The following PIP4K2C variants were observed in gnomAD, a reference collection of about 807,000 sequenced individuals.
The protein encoded by PIP4K2C is phosphatidylinositol 5-phosphate 4-kinase type-2 gamma.
PIP4K2C carries 21 observed loss-of-function variants against 45.0 expected under a neutral mutation model. The observed-to-expected ratio is 0.47, with a 90% CI of 0.33 to 0.67. PIP4K2C has a LOEUF of 0.67. Ranked by LOEUF, PIP4K2C falls within the 30% of genes least tolerant of loss-of-function variation. The pLI is 0.02. For synonymous variants in PIP4K2C, 201 were observed against 204.8 expected (o/e 0.98, Z 0.16); for missense variants, 456 against 542.8 (o/e 0.84, Z 1.59).
chr12:57,597,725 A>T (rs1565713739), intron 4 of PIP4K2C, among the ~76,000 whole-genome samples: 1 of 152,200 alleles, frequency 6.6e-6, no homozygotes, highest in Non-Finnish European at 1.5e-5. Context: ...GGACACTTTT[A>T]ATTATTTATG....
Position 57,601,003 on chromosome 12 carries a change from A to T in PIP4K2C, c.1006A>T (p.Ile336Phe), listed in dbSNP as rs1222831965. ...CTCCCCAGAGGGTATCGGAGGCTAC[A>T]TCCATTCCCATCGGCCCCTGGGCCC... ...GTSPEGIGGY[I>F]HSHRPLGPGE... The change falls in exon 8 of 10, where the codon ATC (isoleucine) becomes TTC (phenylalanine). Residue 336 changes from isoleucine to phenylalanine, a missense_variant. Ile to Phe is a conservative substitution (Grantham distance 21). This residue lies in a region of PIP4K2C where 421 missense variants were observed against 473.1 expected (regional missense o/e 0.89). Transcript: ENST00000354947. 1.2e-6 allele frequency: 2 copies of T among 1,613,964 alleles called. No homozygotes were observed. The highest frequency in any genetic ancestry group is 1.7e-6 in the Non-Finnish European group (2 of 1,180,036).
chr12:57,598,768 A>G (rs958276847), intron 4 of PIP4K2C, among the ~76,000 whole-genome samples: 1 of 152,190 alleles, frequency 6.6e-6, no homozygotes, highest in East Asian at 1.9e-4. Flanking sequence ...GAAAGGGTCT[A>G]AAATAAGGAT....
chr12:57,594,623 A>G (rs552523231), intron 2 of PIP4K2C, among the ~76,000 whole-genome samples: 10 of 152,308 alleles, frequency 6.6e-5, no homozygotes, highest in African/African-American at 2.4e-4. Flanking sequence ...AGGTCACTGA[A>G]TCACTCTGAG....
Position 57,599,384 on chromosome 12 carries a change from T to G in PIP4K2C, c.661-16T>G, listed in dbSNP as rs747122857. ...TTAGCCACTTCTACTGACTTGGTGT[T>G]TGGGTCTTTCTGCAGGGTTCCCTAG... On this transcript the variant is annotated splice_polypyrimidine_tract_variant and intron_variant, in intron 5 of 9. Transcript: ENST00000354947. The G allele has an allele frequency of 6.8e-6, 11 of 1,613,928 alleles. No homozygotes were observed. The highest frequency in any genetic ancestry group is 1.3e-5 in the African/African-American group (1 of 74,854).
Position 57,600,323 on chromosome 12 carries a change from G to A in PIP4K2C, c.700-1G>A, listed in dbSNP as rs1454195992. 1.9e-6 allele frequency: 3 copies of A among 1,572,046 alleles called. No individual in the cohort carries two copies. Among genetic ancestry groups the A allele is most frequent in the African/African-American group, 1.4e-5 (1 of 73,764 alleles). On this transcript the variant is annotated splice_acceptor_variant, in intron 6 of 9. Transcript: ENST00000354947. LOFTEE classifies it high-confidence loss of function. ...CAAGATGTCCCTTTACATATTCTTA[G>A]GTTAAAGAATTGCCCACCCTTAAGG...
At chr12:57,592,150 T>C (rs1255457970) in intron 1 of PIP4K2C, among the ~76,000 whole-genome samples, 1 of 152,162 alleles carries the variant, frequency 6.6e-6, no homozygotes, top group Non-Finnish European at 1.5e-5. Flanking sequence ...GTGGCGATTG[T>C]TGACCAAAGA....
rs1883521820 is a variant in PIP4K2C at position 57,603,213 on chromosome 12, C to T, written c.*1607C>T. On this transcript the variant is annotated 3_prime_UTR_variant, in exon 10 of 10. Transcript: ENST00000354947. ...TTTCATTCCAACCATCTCCCTTTCC[C>T]CCGATGAATGCAATAAAACTCTGTG... 1 of 152,650 alleles carries T rather than the reference C, an allele frequency of 6.6e-6. No individual in the cohort carries two copies. The highest frequency in any genetic ancestry group is 2.4e-5 in the African/African-American group (1 of 41,460). 9.5% of individuals were successfully genotyped at this position (152,650 alleles called of 1,614,324 possible).
intron 1 of PIP4K2C, among the ~76,000 whole-genome samples, chr12:57,591,915 C>T (rs1382079890): frequency 2.0e-5 from 3 of 152,006 alleles, no homozygotes; most frequent in African/African-American, 7.3e-5. Context: ...CTTCCCAGCC[C>T]CGGTCCTTGG....
chr12:57,601,367 C>A lies in PIP4K2C; in HGVS notation c.1185+19C>A. On this transcript the variant is annotated intron_variant, in intron 9 of 9. Transcript: ENST00000354947. Reference sequence around the variant, plus strand: ...GCATGGGGTGAGAGTTCGCAAAAGCCTTTCCTTTCCTGTCTTGACTATTCT... The same window carrying A: ...GCATGGGGTGAGAGTTCGCAAAAGCATTTCCTTTCCTGTCTTGACTATTCT... 1 of 1,590,986 alleles carries A rather than the reference C, an allele frequency of 6.3e-7. No individual in the cohort carries two copies.
chr12:57,600,071 AG>A, intron 6 of PIP4K2C, among the ~76,000 whole-genome samples: 1 of 149,972 alleles, frequency 6.7e-6, no homozygotes, highest in African/African-American at 2.5e-5. Flanking sequence ...AAAAAAAAAG[AG>A]GAGAAAGAAA....
At chr12:57,592,844 G>T (rs1883020526) in intron 1 of PIP4K2C, among the ~76,000 whole-genome samples, 1 of 151,838 alleles carries the variant, frequency 6.6e-6, no homozygotes, top group Non-Finnish European at 1.5e-5. Context: ...TTAGCAGGTG[G>T]GGAGGAGGGG....
intron 2 of PIP4K2C, among the ~76,000 whole-genome samples, chr12:57,594,656 G>C (rs1245150535): frequency 6.6e-6 from 1 of 152,162 alleles, no homozygotes; most frequent in Non-Finnish European, 1.5e-5. Flanking sequence ...TCTATAAAAT[G>C]GAAATAATAT....
At chr12:57,600,031 T>G (rs1883357969) in intron 6 of PIP4K2C, among the ~76,000 whole-genome samples, 1 of 143,878 alleles carries the variant, frequency 7.0e-6, no homozygotes, top group Admixed American at 7.0e-5. Context: ...GGCAACAGAG[T>G]GATCGAGATC....
At chr12:57,593,864 G>A (rs1471100990) in intron 1 of PIP4K2C, among the ~76,000 whole-genome samples, 161 bp from the exon 2 acceptor site, 1 of 151,868 alleles carries the variant, frequency 6.6e-6, no homozygotes, top group Non-Finnish European at 1.5e-5. Flanking sequence ...CAGCAGAAGG[G>A]TTAGACACAT....
At chr12:57,600,752 G>T (rs1883392202) in intron 7 of PIP4K2C, 59 bp from the exon 8 acceptor site, 1 of 1,599,148 alleles carries the variant, frequency 6.3e-7, no homozygotes, top group Non-Finnish European at 8.5e-7. Context: ...ACAGGTACAG[G>T]GGTGATACCT....
chr12:57,599,578 G>C (rs1565714846), intron 6 of PIP4K2C, 140 bp downstream of exon 6: 3 of 968,934 alleles, frequency 3.1e-6, no homozygotes, highest in Admixed American at 2.2e-5. Flanking sequence ...CTTAAAAGAA[G>C]GGGGTAAACT....
Position 57,601,803 on chromosome 12 carries a change from G to A in PIP4K2C, c.*197G>A. On this transcript the variant is annotated 3_prime_UTR_variant, in exon 10 of 10. Coordinates refer to ENST00000354947, the MANE Select transcript of PIP4K2C (RefSeq NM_024779.5). The stretch of plus-strand genomic sequence containing the variant: ...AAATACATTGTCCTTTTTCCTCTTT[G>A]CCCATTTTTCTTCCCTCTCTTCCTC... 1.7e-6 allele frequency: 1 copy of A among 590,316 alleles called. No individual in the cohort carries two copies. Among genetic ancestry groups the A allele is most frequent in the Non-Finnish European group, 3.0e-6 (1 of 331,238 alleles). The allele number at this position is 590,316 out of a possible 1,614,324, so 36.6% of individuals were successfully genotyped here.
At chr12:57,592,262 C>T (rs1383161911) in intron 1 of PIP4K2C, among the ~76,000 whole-genome samples, 1 of 152,160 alleles carries the variant, frequency 6.6e-6, no homozygotes, top group Non-Finnish European at 1.5e-5. Context: ...CCTCCATCCC[C>T]TTTCCTGAGG....
At chr12:57,595,757 A>T in intron 3 of PIP4K2C, 131 bp from the exon 4 acceptor site, 1 of 955,828 alleles carries the variant, frequency 1.0e-6, no homozygotes, top group Non-Finnish European at 1.6e-6. Context: ...CCACATATGG[A>T]CACCTGATGA....
Sources: gnomAD v4.1 joint callset for allele counts (sites outside exome capture counted in the v4.1 genomes callset) on GRCh38, gnomAD v4.1.1 for gene constraint, gnomAD v4.1.1 regional missense constraint, MANE v1.5 for transcripts, NCBI Gene and HGNC (gene_info 2026-07-23, HGNC 2026-07-21) for gene names.